Variants in CDKAL1 observed in about 807,000 individuals in gnomAD.
CDKAL1 encodes the protein threonylcarbamoyladenosine tRNA methylthiotransferase.
In CDKAL1, 32 loss-of-function variants were observed where a neutral mutation model predicts 68.2. The observed-to-expected ratio is 0.47, with a 90% CI of 0.35 to 0.63. The LOEUF is 0.63. CDKAL1 is among the 30% of genes least tolerant of loss of function. CDKAL1 has a pLI of 0.00. For missense variants in CDKAL1, 606 were observed against 696.7 expected (o/e 0.87, Z 1.47); for synonymous variants, 234 against 244.3 (o/e 0.96, Z 0.39).
At chr6:20,839,056 C>T (rs1235942499) in intron 8 of CDKAL1, among the ~76,000 whole-genome samples, 3 of 151,336 alleles carry the variant, frequency 2.0e-5, no homozygotes, top group African/African-American at 7.3e-5. Flanking sequence ...TGTCAATTGA[C>T]ATATTAGCTG....
chr6:20,732,111 T>C (rs1772960568), intron 5 of CDKAL1, among the ~76,000 whole-genome samples: 1 of 151,986 alleles, frequency 6.6e-6, no homozygotes, highest in African/African-American at 2.4e-5. Flanking sequence ...AGTGGCACAG[T>C]CGAAGCTCAC....
chr6:21,116,846 C>T (rs1476036916), intron 13 of CDKAL1, among the ~76,000 whole-genome samples: 4 of 152,296 alleles, frequency 2.6e-5, no homozygotes, highest in Admixed American at 6.5e-5. Flanking sequence ...CTAAAAGTAT[C>T]TGTGTTTCAA....
rs141536661 is a variant in CDKAL1 at position 20,917,192 on chromosome 6, G to A, written c.743-38227G>A. On this transcript the variant is annotated intron_variant, in intron 9 of 15. Coordinates refer to ENST00000274695, the MANE Select transcript of CDKAL1 (RefSeq NM_017774.3). ...GATGTGGTTTCACCATGTTGGCCAG[G>A]CTGATCTTGAACTCCTGACCTCAGG... Among the ~76,000 whole-genome samples the A allele has an allele frequency of 0.015, 2,310 of 152,212 alleles. 165 individuals are homozygous for A. The East Asian group carries it at 0.24, about 16-fold the overall frequency.
rs575183443 is a variant in CDKAL1, at chr6:20,865,511, G to A, written c.742+19333G>A. Among the ~76,000 whole-genome samples, 19 of 152,116 alleles carry A rather than the reference G, an allele frequency of 1.2e-4. 1 individual carries two copies. The highest frequency in any genetic ancestry group is 4.3e-4 in the African/African-American group (18 of 41,494). Reference sequence around the variant, plus strand: ...GCCAAGCAAAACTTCTAGGCTCTAGGAACCTTAATATACTAAGAGAAAAGT... The same window carrying A: ...GCCAAGCAAAACTTCTAGGCTCTAGAAACCTTAATATACTAAGAGAAAAGT... On this transcript the variant is annotated intron_variant, in intron 9 of 15. Transcript: ENST00000274695.
At chr6:21,064,336 A>T (rs761400119) in intron 11 of CDKAL1, among the ~76,000 whole-genome samples, 22 of 152,216 alleles carry the variant, frequency 1.4e-4, no homozygotes, top group Non-Finnish European at 2.8e-4. Context: ...CCAAGAAGCA[A>T]CATTCAAAGA....
intron 12 of CDKAL1, among the ~76,000 whole-genome samples, chr6:21,093,242 A>G (rs1773137528): frequency 6.6e-6 from 1 of 152,178 alleles, no homozygotes; most frequent in African/African-American, 2.4e-5. Context: ...TACCAACAGC[A>G]CCCAGAGAAG....
intron 9 of CDKAL1, among the ~76,000 whole-genome samples, chr6:20,871,097 A>G (rs1260590310): frequency 6.6e-6 from 1 of 152,226 alleles, no homozygotes; most frequent in Non-Finnish European, 1.5e-5. Context: ...TAACTGATTG[A>G]GTGGCATTAA....
At chr6:21,170,686 A>G (rs1044303397) in intron 13 of CDKAL1, among the ~76,000 whole-genome samples, 1 of 152,156 alleles carries the variant, frequency 6.6e-6, no homozygotes, top group Admixed American at 6.5e-5. Context: ...AAAAAAAGTC[A>G]TGACACTATT....
chr6:21,086,899 G>C (rs540798473), intron 12 of CDKAL1, among the ~76,000 whole-genome samples: 24 of 152,162 alleles, frequency 1.6e-4, no homozygotes, highest in Admixed American at 5.2e-4. Flanking sequence ...ATTCTTAACT[G>C]TCTCACTAGA....
chr6:20,913,193 A>AT (rs1285673792), intron 9 of CDKAL1, among the ~76,000 whole-genome samples: 1 of 151,238 alleles, frequency 6.6e-6, no homozygotes, highest in Non-Finnish European at 1.5e-5. Flanking sequence ...AACAACCCAT[A>AT]TTTTTTATCT....
At chr6:20,897,278 T>C (rs1427640916) in intron 9 of CDKAL1, among the ~76,000 whole-genome samples, 2 of 152,014 alleles carry the variant, frequency 1.3e-5, no homozygotes, top group Non-Finnish European at 2.9e-5. Flanking sequence ...CAGAAATGAG[T>C]AAGTCAAATG....
At chr6:20,890,543 A>G (rs370064024) in intron 9 of CDKAL1, among the ~76,000 whole-genome samples, 3 of 152,240 alleles carry the variant, frequency 2.0e-5, no homozygotes, top group African/African-American at 7.2e-5. Context: ...AATTTTATAC[A>G]ATCTGATGGA....
rs544919192 is a variant in CDKAL1, at chr6:20,895,667, A to G, written c.742+49489A>G. Among the ~76,000 whole-genome samples, 3 of 152,302 alleles carry G rather than the reference A, an allele frequency of 2.0e-5. No individual in the cohort carries two copies. In the South Asian group the frequency reaches 6.2e-4, roughly 32 times the overall value. On this transcript the variant is annotated intron_variant, in intron 9 of 15. Transcript: ENST00000274695. ...AGATTTGCAAGTAACATCTAACATC[A>G]ACAGTCGTGAGAAGTCTGCCATGTC...
intron 8 of CDKAL1, among the ~76,000 whole-genome samples, chr6:20,797,008 T>C (rs1326926451): frequency 6.6e-6 from 1 of 152,194 alleles, no homozygotes; most frequent in African/African-American, 2.4e-5. Flanking sequence ...AAAAGTATGA[T>C]CTATAAAAGG....
chr6:20,934,183 G>A (rs1763597356), intron 9 of CDKAL1, among the ~76,000 whole-genome samples: 1 of 152,166 alleles, frequency 6.6e-6, no homozygotes, highest in Non-Finnish European at 1.5e-5. Flanking sequence ...TAGCTGGTAA[G>A]ACAAGGGCAT....
intron 8 of CDKAL1, among the ~76,000 whole-genome samples, chr6:20,808,625 T>A (rs996613793): frequency 6.6e-6 from 1 of 151,926 alleles, no homozygotes; most frequent in Non-Finnish European, 1.5e-5. Context: ...GTTTTTGAGA[T>A]GCCTATGGGA....
intron 4 of CDKAL1, among the ~76,000 whole-genome samples, chr6:20,580,367 C>T (rs1765093293): frequency 6.6e-6 from 1 of 152,134 alleles, no homozygotes; most frequent in Admixed American, 6.6e-5. Flanking sequence ...GGCTGGAATA[C>T]AGATTCTAGT....
chr6:21,151,031 C>T (rs1281796205), intron 13 of CDKAL1, among the ~76,000 whole-genome samples: 5 of 152,124 alleles, frequency 3.3e-5, no homozygotes, highest in African/African-American at 9.7e-5. Context: ...CCAAATGTTA[C>T]TCAGGAATAA....
intron 11 of CDKAL1, among the ~76,000 whole-genome samples, chr6:21,000,649 G>C (rs1767380145): frequency 3.9e-5 from 6 of 152,116 alleles, no homozygotes; most frequent in Admixed American, 3.9e-4. Flanking sequence ...TTTTATACCT[G>C]ACCTGGTGGA....
Sources: allele counts gnomAD v4.1 joint callset (sites outside exome capture counted in the v4.1 genomes callset), GRCh38; gene constraint gnomAD v4.1.1; transcripts MANE v1.5; gene names NCBI Gene and HGNC (gene_info 2026-07-23, HGNC 2026-07-21).